Variants in CRIM1 observed in about 807,000 individuals in gnomAD.
The protein encoded by CRIM1 is cysteine-rich motor neuron 1 protein.
CRIM1 carries 32 observed loss-of-function variants against 116.4 expected under a neutral mutation model. The observed-to-expected ratio is 0.27, with a 90% CI of 0.21 to 0.37. CRIM1 has a LOEUF of 0.37. Ranked by LOEUF, CRIM1 falls within the 10% of genes least tolerant of loss-of-function variation. CRIM1 has a pLI of 1.00. For synonymous variants in CRIM1, 590 were observed against 509.2 expected (o/e 1.16, Z -2.13); for missense variants, 1,331 against 1,354.8 (o/e 0.98, Z 0.28).
intron 13 of CRIM1, among the ~76,000 whole-genome samples, chr2:36,534,723 A>G (rs1214707455): frequency 6.6e-6 from 1 of 150,666 alleles, no homozygotes; most frequent in African/African-American, 2.5e-5. Flanking sequence ...GAAGAAGGAA[A>G]AGGAAGATGG....
At chr2:36,370,329 A>G (rs1230962871) in intron 1 of CRIM1, among the ~76,000 whole-genome samples, 1 of 152,184 alleles carries the variant, frequency 6.6e-6, no homozygotes, top group Non-Finnish European at 1.5e-5. Context: ...CTGTAGGTAA[A>G]TAAGTAAAAT....
Position 36,468,205 on chromosome 2 carries a change from C to T in CRIM1, c.991+3550C>T, listed in dbSNP as rs551494608. 4.6e-5 allele frequency among the ~76,000 whole-genome samples: 7 copies of T among 152,182 alleles called. 1 individual carries two copies. Among genetic ancestry groups the T allele is most frequent in the Non-Finnish European group, 1.0e-4 (7 of 68,028 alleles). On this transcript the variant is annotated intron_variant, in intron 5 of 16. Transcript: ENST00000280527. ...GATTATGCACTGCCGCACTCACTTC[C>T]TATGCTGCCATCCATGTGATCCATA...
At chr2:36,434,345 C>T (rs927475094) in intron 2 of CRIM1, among the ~76,000 whole-genome samples, 1 of 152,218 alleles carries the variant, frequency 6.6e-6, no homozygotes, top group African/African-American at 2.4e-5. Context: ...ATTTTGTCCT[C>T]TGTATTTAAG....
intron 2 of CRIM1, among the ~76,000 whole-genome samples, chr2:36,423,985 G>T (rs1255328439): frequency 6.6e-6 from 1 of 152,130 alleles, no homozygotes; most frequent in Non-Finnish European, 1.5e-5. Flanking sequence ...TAGGTGGATA[G>T]AAAGAAATAG....
At chr2:36,531,923 T>C in intron 13 of CRIM1, 1 of 471,010 alleles carries the variant, frequency 2.1e-6, no homozygotes, top group Non-Finnish European at 4.4e-6. Flanking sequence ...AGCAGCCCCA[T>C]GGAAGGACCA....
chr2:36,393,907 AG>A (rs1671816083), intron 1 of CRIM1, among the ~76,000 whole-genome samples: 2 of 152,354 alleles, frequency 1.3e-5, no homozygotes, highest in Non-Finnish European at 2.9e-5. Flanking sequence ...GATATTCAGC[AG>A]TAAGAAGCTG....
chr2:36,543,297 C>G (rs1168083433), intron 14 of CRIM1, among the ~76,000 whole-genome samples: 1 of 152,200 alleles, frequency 6.6e-6, no homozygotes, highest in Non-Finnish European at 1.5e-5. Context: ...GTACTCTCTT[C>G]TCTATCACTT....
At chr2:36,408,123 A>G (rs956705759) in intron 2 of CRIM1, among the ~76,000 whole-genome samples, 21 of 152,222 alleles carry the variant, frequency 1.4e-4, no homozygotes, top group African/African-American at 4.6e-4. Flanking sequence ...TGTACTTACT[A>G]TGTGTTTTTA....
At chr2:36,430,319 G>T (rs1054394508) in intron 2 of CRIM1, among the ~76,000 whole-genome samples, 1 of 152,106 alleles carries the variant, frequency 6.6e-6, no homozygotes, top group Admixed American at 6.5e-5. Flanking sequence ...CCATGTAAGG[G>T]CTACCAAGAA....
At chr2:36,542,323 G>C (rs1667001883) in intron 14 of CRIM1, among the ~76,000 whole-genome samples, 1 of 152,162 alleles carries the variant, frequency 6.6e-6, no homozygotes, top group Non-Finnish European at 1.5e-5. Flanking sequence ...ATTAATCACT[G>C]AAGAAGACAT....
intron 2 of CRIM1, among the ~76,000 whole-genome samples, chr2:36,415,156 G>T (rs562235071): frequency 1.1e-3 from 162 of 152,198 alleles, no homozygotes; most frequent in African/African-American, 3.7e-3. Flanking sequence ...GTGAGGTTGG[G>T]GGTAGACTTC....
chr2:36,468,480 A>G (rs1467464949), intron 5 of CRIM1, among the ~76,000 whole-genome samples: 1 of 152,162 alleles, frequency 6.6e-6, no homozygotes, highest in African/African-American at 2.4e-5. Flanking sequence ...CGAAAGGAGA[A>G]CTTATGAGGC....
intron 2 of CRIM1, among the ~76,000 whole-genome samples, chr2:36,436,836 T>A: frequency 6.6e-6 from 1 of 151,672 alleles, no homozygotes. Context: ...AAAAGAAAGC[T>A]CCCCAAAATG....
At chr2:36,441,129 T>C in intron 2 of CRIM1, 129 bp from the exon 3 acceptor site, 5 of 1,262,390 alleles carry the variant, frequency 4.0e-6, no homozygotes, top group Non-Finnish European at 5.5e-6. Flanking sequence ...AGTTTGAAGG[T>C]TTACACTGAA....
intron 1 of CRIM1, among the ~76,000 whole-genome samples, chr2:36,365,136 AG>A (rs1179984763): frequency 6.6e-6 from 1 of 152,192 alleles, no homozygotes; most frequent in Non-Finnish European, 1.5e-5. Flanking sequence ...CTATGCACCA[AG>A]GAAACATGCG....
chr2:36,540,223 T>C (rs1666855884), intron 14 of CRIM1, among the ~76,000 whole-genome samples: 1 of 152,186 alleles, frequency 6.6e-6, no homozygotes, highest in Non-Finnish European at 1.5e-5. Context: ...TTAGCACTGC[T>C]GTAATGAACT....
At chr2:36,473,411 G>A (rs1310442149) in intron 5 of CRIM1, among the ~76,000 whole-genome samples, 1 of 152,120 alleles carries the variant, frequency 6.6e-6, no homozygotes. Context: ...GTGCAATTCT[G>A]TTGTTTTCAG....
chr2:36,522,391 A>G (rs75018041), intron 13 of CRIM1, 78 bp downstream of exon 13: 27,866 of 1,175,310 alleles, frequency 0.024, 422 homozygotes, highest in African/African-American at 0.06. Flanking sequence ...TGCTAGATCA[A>G]TTAATATTTT....
intron 5 of CRIM1, among the ~76,000 whole-genome samples, chr2:36,470,827 A>G (rs996984182): frequency 3.3e-5 from 5 of 152,228 alleles, no homozygotes; most frequent in Non-Finnish European, 5.9e-5. Flanking sequence ...GTAGATAGTC[A>G]TTCCTCTGAT....
Sources: allele counts gnomAD v4.1 joint callset (sites outside exome capture counted in the v4.1 genomes callset), GRCh38; gene constraint gnomAD v4.1.1; transcripts MANE v1.5; gene names NCBI Gene and HGNC (gene_info 2026-07-23, HGNC 2026-07-21).